CDH1: variants seen among roughly 807,000 people sequenced by gnomAD.
The protein encoded by CDH1 is cadherin 1, also known as cadherin-1.
A neutral mutation model predicts 84.5 loss-of-function variants in CDH1; 35 were observed. That is an observed-to-expected ratio of 0.41 (90% CI 0.32 to 0.55). The LOEUF (loss-of-function observed/expected upper bound fraction) is 0.55. Among genes scored for constraint, CDH1 ranks in the 20% least tolerant of loss-of-function variants. The pLI is 0.19. For missense variants in CDH1, 994 were observed against 1,126.6 expected, an observed-to-expected ratio of 0.88 and a Z score of 1.68; for synonymous variants, 417 against 439.0, an observed-to-expected ratio of 0.95 and a Z score of 0.63.
At chr16:68,818,465 A>G (rs1054381513) in intron 10 of CDH1, among the ~76,000 whole-genome samples, 4 of 151,710 alleles carry the variant, frequency 2.6e-5, no homozygotes, top group African/African-American at 9.7e-5. Flanking sequence ...ACTCAGGTGA[A>G]GAGTTCATGG....
chr16:68,829,553 G>A, intron 14 of CDH1, 101 bp from the exon 15 acceptor site: 1 of 1,160,288 alleles, frequency 8.6e-7, no homozygotes, highest in South Asian at 1.3e-5. Context: ...AGTTGGCAGT[G>A]AAGGCATCAT....
At chr16:68,773,919 T>G (rs1053409757) in intron 2 of CDH1, among the ~76,000 whole-genome samples, 2 of 152,142 alleles carry the variant, frequency 1.3e-5, no homozygotes, top group African/African-American at 4.8e-5. Flanking sequence ...GAATAATGTT[T>G]TATTTATTTA....
At chr16:68,785,540 C>T (rs928024276) in intron 2 of CDH1, among the ~76,000 whole-genome samples, 5 of 152,086 alleles carry the variant, frequency 3.3e-5, no homozygotes, top group Non-Finnish European at 5.9e-5. Flanking sequence ...GTTGTGCAGT[C>T]GTGGCTCACT....
rs771085839 is a variant in CDH1, at chr16:68,808,692, G to C, written c.532-1G>C. 1 of 1,614,124 alleles carries C rather than the reference G, an allele frequency of 6.2e-7. No individual in the cohort carries two copies. Among genetic ancestry groups the C allele is most frequent in the African/African-American group, 1.3e-5 (1 of 75,048 alleles). On this transcript the variant is annotated splice_acceptor_variant, in intron 4 of 15. Transcript: ENST00000261769. LOFTEE classifies it high-confidence loss of function. ...TTCTTTTTCTTTCATTTTGTCTTCA[G>C]ATCAAATCCAACAAAGACAAAGAAG...
intron 2 of CDH1, among the ~76,000 whole-genome samples, chr16:68,743,359 C>CTTTTCT (rs373698881): frequency 0.048 from 2,624 of 55,202 alleles, 22 homozygotes; most frequent in East Asian, 0.057. Context: ...TTCTTTCTTT[C>CTTTTCT]TTTCTTTTCT....
chr16:68,828,372 AGGTAG>A, intron 14 of CDH1, 68 bp downstream of exon 14: 1 of 1,553,426 alleles, frequency 6.4e-7, no homozygotes. Context: ...GATTAGTAAG[AGGTAG>A]GCATTTGAAA....
chr16:68,799,910 G>A lies in CDH1; in HGVS notation c.164-1760G>A, dbSNP rs541770226. On this transcript the variant is annotated intron_variant, in intron 2 of 15. Transcript: ENST00000261769. ...TGCCTGTAATCCCAGCTACTCGGGA[G>A]GCTGAGGCAGAATTGCTTGAACCCA... Among the ~76,000 whole-genome samples, 8 of 152,164 alleles carry A rather than the reference G, an allele frequency of 5.3e-5. No individual in the cohort carries two copies. In the East Asian group the frequency reaches 1.5e-3, roughly 29 times the overall value.
intron 2 of CDH1, among the ~76,000 whole-genome samples, chr16:68,773,490 G>C (rs1351613631): frequency 6.6e-6 from 1 of 152,044 alleles, no homozygotes; most frequent in Non-Finnish European, 1.5e-5. Flanking sequence ...GTACAGACGG[G>C]GTTTCGCCAT....
At chr16:68,832,648 C>T (rs575039819) in intron 15 of CDH1, among the ~76,000 whole-genome samples, 197 of 151,968 alleles carry the variant, frequency 1.3e-3, no homozygotes, top group African/African-American at 4.6e-3. Context: ...GGTGAAACCC[C>T]GTTTTTACTA....
intron 2 of CDH1, among the ~76,000 whole-genome samples, chr16:68,795,161 A>G (rs1471255842): frequency 2.0e-5 from 3 of 152,190 alleles, no homozygotes; most frequent in African/African-American, 4.8e-5. Context: ...AAAAGAACAC[A>G]TGCCAGAATC....
At position 68,801,669 on chromosome 16, in the gene CDH1, G is replaced by T; in HGVS notation, c.164-1G>T. The stretch of plus-strand genomic sequence containing the variant: ...TAATCTCTGTGATTTCTGCCCTGCA[G>T]TGAATTTTGAAGATTGCACCGGTCG... On this transcript the variant is annotated splice_acceptor_variant, in intron 2 of 15. Coordinates refer to ENST00000261769, the MANE Select transcript of CDH1 (RefSeq NM_004360.5). LOFTEE classifies it high-confidence loss of function. 6.2e-7 allele frequency: 1 copy of T among 1,612,368 alleles called. No homozygotes were observed. Among genetic ancestry groups the T allele is most frequent in the Non-Finnish European group, 8.5e-7 (1 of 1,178,384 alleles).
chr16:68,759,370 T>G (rs952779697), intron 2 of CDH1, among the ~76,000 whole-genome samples: 7 of 152,132 alleles, frequency 4.6e-5, no homozygotes, highest in Non-Finnish European at 8.8e-5. Flanking sequence ...ATGACCACAA[T>G]AGTCGTTGCA....
At position 68,834,143 on chromosome 16, in the gene CDH1, G is replaced by A. The variant is rs761240326; in HGVS notation, c.*644G>A. 2.4e-5 allele frequency: 11 copies of A among 455,324 alleles called. No homozygotes were observed. Among genetic ancestry groups the A allele is most frequent in the African/African-American group, 1.2e-4 (6 of 49,924 alleles). 28.2% of individuals were successfully genotyped at this position (455,324 alleles called of 1,614,324 possible). ...GACTAATTTTTTAAATATTTGAGAC[G>A]GGGTCTCCCTGTGTTACCCAGGCTG... On this transcript the variant is annotated 3_prime_UTR_variant, in exon 16 of 16. Coordinates refer to ENST00000261769, the MANE Select transcript of CDH1 (RefSeq NM_004360.5).
intron 2 of CDH1, among the ~76,000 whole-genome samples, chr16:68,796,057 G>A (rs1466594940): frequency 1.3e-5 from 2 of 151,934 alleles, no homozygotes; most frequent in East Asian, 3.9e-4. Flanking sequence ...CAGCTACTCG[G>A]GAGGCTGGGG....
At position 68,772,336 on chromosome 16, in the gene CDH1, T is replaced by G. The variant is rs144869873; in HGVS notation, c.164-29334T>G. Among the ~76,000 whole-genome samples, 306 of 152,318 alleles carry G rather than the reference T, an allele frequency of 2.0e-3. 1 individual carries two copies. Among genetic ancestry groups the G allele is most frequent in the African/African-American group, 6.9e-3 (288 of 41,562 alleles). ...ACTTGGAAGCTTCCTCTCTAATTTA[T>G]GGTTTGTCCCTCTCCAACATATGGG... On this transcript the variant is annotated intron_variant, in intron 2 of 15. Coordinates refer to ENST00000261769, the MANE Select transcript of CDH1 (RefSeq NM_004360.5).
chr16:68,791,774 G>A (rs1960215449), intron 2 of CDH1, among the ~76,000 whole-genome samples: 1 of 152,064 alleles, frequency 6.6e-6, no homozygotes, highest in African/African-American at 2.4e-5. Context: ...GCCCCATGAG[G>A]TCAGGGACTT....
At chr16:68,812,865 C>T (rs1471311629) in intron 8 of CDH1, among the ~76,000 whole-genome samples, 1 of 152,126 alleles carries the variant, frequency 6.6e-6, no homozygotes, top group East Asian at 1.9e-4. Context: ...CGTGGCGAAA[C>T]TCCATCTCCA....
chr16:68,755,437 G>T (rs1249770075), intron 2 of CDH1, among the ~76,000 whole-genome samples: 1 of 151,794 alleles, frequency 6.6e-6, no homozygotes, highest in African/African-American at 2.4e-5. Context: ...AAATAGAGAG[G>T]GTCTTGTTAC....
chr16:68,786,265 G>A (rs939694012), intron 2 of CDH1, among the ~76,000 whole-genome samples: 3 of 152,010 alleles, frequency 2.0e-5, no homozygotes, highest in Admixed American at 6.6e-5. Context: ...TCTTCATCCT[G>A]GGTTCAAGCG....
Sources: allele counts gnomAD v4.1 joint callset (sites outside exome capture counted in the v4.1 genomes callset), GRCh38; gene constraint gnomAD v4.1.1; transcripts MANE v1.5; gene names NCBI Gene and HGNC (gene_info 2026-07-23, HGNC 2026-07-21).